SMURF1: variants seen among roughly 807,000 people sequenced by gnomAD.
SMURF1 encodes SMAD specific E3 ubiquitin protein ligase 1, also known as E3 ubiquitin-protein ligase SMURF1.
A neutral mutation model predicts 98.0 loss-of-function variants in SMURF1; 44 were observed. That is an observed-to-expected ratio of 0.45 (90% CI 0.35 to 0.58). SMURF1 has a LOEUF of 0.58. Ranked by LOEUF, SMURF1 falls within the 20% of genes least tolerant of loss-of-function variation. SMURF1 has a pLI of 0.00. For synonymous variants in SMURF1, 396 were observed against 374.9 expected (o/e 1.06, Z -0.65); for missense variants, 687 against 938.4 (o/e 0.73, Z 3.50).
At chr7:99,135,482 A>G (rs1286527788) in intron 1 of SMURF1, among the ~76,000 whole-genome samples, 4 of 152,170 alleles carry the variant, frequency 2.6e-5, no homozygotes, top group Admixed American at 6.5e-5. Flanking sequence ...TTGTTTTATT[A>G]TTCAAATAGT....
In SMURF1 at chr7:99,051,380, C is replaced by T. The variant is rs749698861; in HGVS notation, c.783G>A (p.Thr261=). 31 of 1,613,952 alleles carry T rather than the reference C, an allele frequency of 1.9e-5. No homozygotes were observed. The highest frequency in any genetic ancestry group is 7.7e-5 in the South Asian group (7 of 91,086). Residue 261 remains threonine, a synonymous_variant, in exon 8 of 18, where the codon ACG becomes ACA. Coordinates refer to ENST00000361368, the MANE Select transcript of SMURF1 (RefSeq NM_181349.3). ...ACCTTGGTATCCTGGGGTCGTGCCA[C>T]GTGCTAACTCCAGTCTGTGTATGCA... ...YFLHTQTGVS[T]WHDPRIPRDL...
At chr7:99,032,626 G>C (rs1794950123) in intron 17 of SMURF1, among the ~76,000 whole-genome samples, 1 of 152,188 alleles carries the variant, frequency 6.6e-6, no homozygotes, top group Non-Finnish European at 1.5e-5. Flanking sequence ...CCGAGATCGT[G>C]CCACTGCACT....
intron 10 of SMURF1, among the ~76,000 whole-genome samples, chr7:99,046,681 G>A (rs992844567): frequency 1.5e-5 from 2 of 134,772 alleles, no homozygotes; most frequent in Non-Finnish European, 3.0e-5. Context: ...GCAGTGAGCC[G>A]AGATCATGCC....
At chr7:99,118,187 C>T (rs1797505354) in intron 1 of SMURF1, among the ~76,000 whole-genome samples, 1 of 152,168 alleles carries the variant, frequency 6.6e-6, no homozygotes, top group Non-Finnish European at 1.5e-5. Context: ...AACTGAAACC[C>T]TTGAACACCA....
chr7:99,049,899 C>G, intron 8 of SMURF1, 190 bp from the exon 9 acceptor site: 1 of 498,994 alleles, frequency 2.0e-6, no homozygotes, highest in Non-Finnish European at 3.4e-6. Flanking sequence ...CAAACAGCAG[C>G]AACATCCGAG....
At chr7:99,054,958 A>G (rs919562254) in intron 5 of SMURF1, 93 bp from the exon 6 acceptor site, 151 of 1,179,896 alleles carry the variant, frequency 1.3e-4, no homozygotes, top group African/African-American at 3.0e-4. Flanking sequence ...TTTATGTACA[A>G]TATCATAAAA....
intron 6 of SMURF1, 84 bp downstream of exon 6, chr7:99,054,706 T>A: frequency 8.8e-7 from 1 of 1,133,818 alleles, no homozygotes; most frequent in Non-Finnish European, 1.3e-6. Context: ...CAGAGTGACT[T>A]AAGGAGGGAA....
In SMURF1 at chr7:99,067,314, A is replaced by T. The variant is rs555239347; in HGVS notation, c.56-5477T>A. Among the ~76,000 whole-genome samples the T allele has an allele frequency of 7.9e-5, 12 of 152,096 alleles. No homozygotes were observed. In the South Asian group the frequency reaches 1.2e-3, roughly 16 times the overall value. On this transcript the variant is annotated intron_variant, in intron 1 of 17. Coordinates refer to ENST00000361368, the MANE Select transcript of SMURF1 (RefSeq NM_181349.3). ...CCCAGGCTTAGATCTAGTATTTTTT[A>T]AAAAATACATTTATGTACCAATACA... is the stretch of plus-strand genomic sequence containing the variant.
At position 99,033,100 on chromosome 7, in the gene SMURF1, G is replaced by A; in HGVS notation, c.2033C>T (p.Pro678Leu). The A allele has an allele frequency of 6.9e-6, 11 of 1,586,384 alleles. No individual in the cohort carries two copies. The highest frequency in any genetic ancestry group is 9.4e-6 in the Non-Finnish European group (11 of 1,165,538). Residue 678 changes from proline to leucine, a missense_variant, in exon 17 of 18, where the codon CCC becomes CTC. Around this residue, in one of 2 missense-constraint regions of SMURF1, gnomAD observed 272 missense variants for 430.0 expected, o/e 0.63. Coordinates refer to ENST00000361368, the MANE Select transcript of SMURF1 (RefSeq NM_181349.3). ...TATCAGGTGGATGGTGAACAGCCGG[G>A]GCCCTGCCGCGCCTGTAGAACCTTA... ...ALQGSTGAAG[P>L]RLFTIHLIDA...
intron 16 of SMURF1, among the ~76,000 whole-genome samples, chr7:99,033,811 T>C (rs1194745474): frequency 2.0e-5 from 3 of 152,162 alleles, no homozygotes; most frequent in Non-Finnish European, 4.4e-5. Flanking sequence ...CTCAGGTGTT[T>C]CCAAACTCAG....
At chr7:99,112,240 A>C (rs2150605640) in intron 1 of SMURF1, among the ~76,000 whole-genome samples, 1 of 152,316 alleles carries the variant, frequency 6.6e-6, no homozygotes, top group Middle Eastern at 3.4e-3. Context: ...ACAGGAAGTA[A>C]AAACTAAGAC....
chr7:99,041,475 C>G (rs1274461511), intron 12 of SMURF1, among the ~76,000 whole-genome samples: 1 of 152,204 alleles, frequency 6.6e-6, no homozygotes, highest in Non-Finnish European at 1.5e-5. Context: ...TCTCTACTTT[C>G]AGGTTTGAAT....
chr7:99,057,573 C>T, intron 3 of SMURF1, 22 bp from the exon 4 acceptor site: 2 of 1,476,852 alleles, frequency 1.4e-6, no homozygotes, highest in Middle Eastern at 1.8e-4. Flanking sequence ...GTGCAAAACT[C>T]ATTTTTAATT....
chr7:99,035,725 G>T lies in SMURF1; in HGVS notation c.1810-9C>A, dbSNP rs368857986. On this transcript the variant is annotated splice_polypyrimidine_tract_variant and intron_variant, in intron 15 of 17. Transcript: ENST00000361368. ...AGGCCGCCTATGATCAGCTGAGGAG[G>T]TGCAGAAAGGTGAATTACTTCCAAA... 3 of 1,612,720 alleles carry T rather than the reference G, an allele frequency of 1.9e-6. No homozygotes were observed. Among genetic ancestry groups the T allele is most frequent in the Non-Finnish European group, 2.5e-6 (3 of 1,179,138 alleles).
At chr7:99,033,974 T>C (rs1051240831) in intron 16 of SMURF1, among the ~76,000 whole-genome samples, 2 of 152,222 alleles carry the variant, frequency 1.3e-5, no homozygotes, top group Non-Finnish European at 2.9e-5. Flanking sequence ...GATACTCCTT[T>C]CAAGCTGGGC....
At chr7:99,076,829 G>A (rs1222861586) in intron 1 of SMURF1, among the ~76,000 whole-genome samples, 1 of 126,742 alleles carries the variant, frequency 7.9e-6, no homozygotes, top group Non-Finnish European at 2.0e-5. Context: ...GTGTGCACGT[G>A]TGCCCATGTG....
chr7:99,048,028 C>T (rs771693024), intron 9 of SMURF1, 146 bp from the exon 10 acceptor site: 12 of 725,978 alleles, frequency 1.7e-5, no homozygotes, highest in Non-Finnish European at 2.8e-5. Flanking sequence ...AACCAGGTAC[C>T]TAGCTAGCTG....
chr7:99,072,282 C>G (rs993355964), intron 1 of SMURF1, among the ~76,000 whole-genome samples: 1 of 152,168 alleles, frequency 6.6e-6, no homozygotes, highest in Non-Finnish European at 1.5e-5. Context: ...CTCAGCCTCC[C>G]GGAGTGCTGG....
intron 5 of SMURF1, among the ~76,000 whole-genome samples, chr7:99,055,270 C>A (rs1048258928): frequency 6.6e-6 from 1 of 150,732 alleles, no homozygotes; most frequent in African/African-American, 2.4e-5. Context: ...GAGTTTGAGA[C>A]CAGCCTGGGC....
Sources: gnomAD v4.1 joint callset for allele counts (sites outside exome capture counted in the v4.1 genomes callset) on GRCh38, gnomAD v4.1.1 for gene constraint, gnomAD v4.1.1 regional missense constraint, MANE v1.5 for transcripts, NCBI Gene and HGNC (gene_info 2026-07-23, HGNC 2026-07-21) for gene names.